Variants in NBEA observed in about 807,000 individuals in gnomAD.
NBEA encodes the protein lysosomal-trafficking regulator 2.
Under a neutral mutation model 343.4 loss-of-function variants are expected in NBEA, and 44 were observed. That is an observed-to-expected ratio of 0.13 (90% CI 0.10 to 0.16). The LOEUF is 0.16. Ranked by LOEUF, NBEA falls within the 10% of genes least tolerant of loss-of-function variation. NBEA has a pLI of 1.00. For missense variants in NBEA, 2,555 were observed against 3,631.3 expected (o/e 0.70, Z 7.62); for synonymous variants, 1,175 against 1,238.7 (o/e 0.95, Z 1.08).
At chr13:35,209,945 T>G (rs1364392520) in intron 32 of NBEA, among the ~76,000 whole-genome samples, 1 of 152,158 alleles carries the variant, frequency 6.6e-6, no homozygotes, top group Non-Finnish European at 1.5e-5. Flanking sequence ...GTCTGAAGAC[T>G]TTAAAGTCTT....
chr13:35,234,038 C>A (rs2075106022), intron 34 of NBEA, among the ~76,000 whole-genome samples: 1 of 151,956 alleles, frequency 6.6e-6, no homozygotes, highest in Admixed American at 6.6e-5. Flanking sequence ...GTACATTGGC[C>A]CTAAAATGAT....
chr13:35,476,541 A>G (rs775860667), intron 41 of NBEA: 8 of 603,426 alleles, frequency 1.3e-5, no homozygotes, highest in African/African-American at 3.7e-5. Flanking sequence ...AGTAGTCAAA[A>G]TAAGCACCCC....
rs59333937 is a variant in NBEA at position 35,631,638 on chromosome 13, TAA to T, written c.7617+3412_7617+3413del. 2.5e-3 allele frequency among the ~76,000 whole-genome samples: 320 copies of T among 126,458 alleles called. 3 individuals are homozygous for T. The highest frequency in any genetic ancestry group is 8.9e-3 in the Middle Eastern group (2 of 224). The allele number at this position is 126,458 out of a possible 152,430, so 83.0% of individuals were successfully genotyped here. On this transcript the variant is annotated intron_variant, in intron 49 of 58. Coordinates refer to ENST00000379939, the MANE Select transcript of NBEA (RefSeq NM_001385012.1). ...TGAATATCTATATATGTCTCCTTTG[TAA>T]AAAAAAAAAAAAAAAAAAAAATTCT...
At chr13:35,430,941 A>G (rs1197816706) in intron 38 of NBEA, among the ~76,000 whole-genome samples, 1 of 152,124 alleles carries the variant, frequency 6.6e-6, no homozygotes, top group Non-Finnish European at 1.5e-5. Context: ...GCATTAAAGC[A>G]TACTTCAAAG....
chr13:35,355,930 A>AT (rs1391000954), intron 38 of NBEA, among the ~76,000 whole-genome samples: 1 of 151,866 alleles, frequency 6.6e-6, no homozygotes, highest in Non-Finnish European at 1.5e-5. Context: ...TGATACTAAA[A>AT]TTTCATATAT....
intron 13 of NBEA, among the ~76,000 whole-genome samples, chr13:35,114,561 C>T (rs1465260045): frequency 1.3e-5 from 2 of 152,102 alleles, no homozygotes; most frequent in Admixed American, 6.5e-5. Flanking sequence ...CTCCTTGGCC[C>T]TGACCCTGAA....
At chr13:35,542,122 A>T (rs961271949) in intron 41 of NBEA, among the ~76,000 whole-genome samples, 2 of 144,126 alleles carry the variant, frequency 1.4e-5, no homozygotes, top group Non-Finnish European at 3.0e-5. Flanking sequence ...TGGGCTGCCT[A>T]TATTTCCCCC....
intron 34 of NBEA, among the ~76,000 whole-genome samples, chr13:35,256,251 G>A (rs1210451030): frequency 1.3e-5 from 2 of 152,144 alleles, no homozygotes; most frequent in African/African-American, 4.8e-5. Flanking sequence ...CTTTCTGCAG[G>A]CAGGTCATCC....
At chr13:35,623,385 C>T (rs1251725471) in intron 48 of NBEA, among the ~76,000 whole-genome samples, 2 of 152,064 alleles carry the variant, frequency 1.3e-5, no homozygotes, top group African/African-American at 4.8e-5. Flanking sequence ...ATGTTCCATT[C>T]TTAGATATTC....
At chr13:35,476,933 T>C (rs778575562) in intron 41 of NBEA, 254 of 541,232 alleles carry the variant, frequency 4.7e-4, no homozygotes, top group Non-Finnish European at 5.8e-4. Flanking sequence ...TGAAGCATAT[T>C]GACGTTTTGA....
chr13:34,976,086 G>A lies in NBEA; in HGVS notation c.294+32972G>A, dbSNP rs550511512. Among the ~76,000 whole-genome samples, 4 of 152,176 alleles carry A rather than the reference G, an allele frequency of 2.6e-5. No homozygotes were observed. In the East Asian group the frequency reaches 7.7e-4, roughly 29 times the overall value. On this transcript the variant is annotated intron_variant, in intron 1 of 58. Transcript: ENST00000379939. ...TCCCACTACTACGTATCTACCCAGAGGAAAATAAGTCATTATATGAAAAAG... is the reference window on the plus strand; with the variant it reads ...TCCCACTACTACGTATCTACCCAGAAGAAAATAAGTCATTATATGAAAAAG...
At chr13:35,113,627 A>ATCTATCTATCTATCTGTCTG (rs138177740) in intron 13 of NBEA, among the ~76,000 whole-genome samples, 10 of 150,720 alleles carry the variant, frequency 6.6e-5, no homozygotes, top group African/African-American at 2.4e-4. Context: ...CTATCTATCT[A>ATCTATCTATCTATCTGTCTG]TCTGTCTGTC....
At chr13:35,665,471 G>A (rs767653409) in intron 56 of NBEA, among the ~76,000 whole-genome samples, 1 of 152,098 alleles carries the variant, frequency 6.6e-6, no homozygotes, top group Non-Finnish European at 1.5e-5. Flanking sequence ...AAAAGACAAG[G>A]GGAAAGTATC....
At chr13:35,043,939 G>A (rs1372410439) in intron 2 of NBEA, among the ~76,000 whole-genome samples, 1 of 151,896 alleles carries the variant, frequency 6.6e-6, no homozygotes, top group East Asian at 1.9e-4. Context: ...AACCTTTGTA[G>A]TATGTTTCAT....
chr13:35,656,442 C>A (rs2084818326), intron 55 of NBEA, among the ~76,000 whole-genome samples: 1 of 152,168 alleles, frequency 6.6e-6, no homozygotes, highest in African/African-American at 2.4e-5. Flanking sequence ...TTTGTTGATG[C>A]TTGTTTAATC....
At chr13:35,512,955 T>C (rs2077336562) in intron 41 of NBEA, among the ~76,000 whole-genome samples, 1 of 152,156 alleles carries the variant, frequency 6.6e-6, no homozygotes, top group Non-Finnish European at 1.5e-5. Flanking sequence ...TGGGAAATAT[T>C]GTAAGCCTTG....
intron 38 of NBEA, among the ~76,000 whole-genome samples, chr13:35,385,158 A>G (rs923079297): frequency 6.6e-6 from 1 of 152,156 alleles, no homozygotes; most frequent in Non-Finnish European, 1.5e-5. Context: ...AAAATAGTTC[A>G]GCTTTTTTAG....
At chr13:34,993,668 C>A (rs1480080632) in intron 1 of NBEA, among the ~76,000 whole-genome samples, 1 of 152,112 alleles carries the variant, frequency 6.6e-6, no homozygotes, top group South Asian at 2.1e-4. Flanking sequence ...TTGAGTATGA[C>A]CCCTGGTTAC....
chr13:35,534,734 G>A (rs2078443986), intron 41 of NBEA, among the ~76,000 whole-genome samples: 1 of 152,134 alleles, frequency 6.6e-6, no homozygotes, highest in Admixed American at 6.5e-5. Flanking sequence ...GAAAAGCTGG[G>A]CTCCATGAAA....
Sources: gnomAD v4.1 joint callset for allele counts (sites outside exome capture counted in the v4.1 genomes callset) on GRCh38, gnomAD v4.1.1 for gene constraint, MANE v1.5 for transcripts, NCBI Gene and HGNC (gene_info 2026-07-23, HGNC 2026-07-21) for gene names.